The following MAPK10 variants were observed in gnomAD, a reference collection of about 807,000 sequenced individuals.
MAPK10 encodes the protein JNK3 alpha protein kinase.
In MAPK10, 25 loss-of-function variants were observed where a neutral mutation model predicts 59.3. The observed-to-expected ratio is 0.42, with a 90% CI of 0.31 to 0.59. The LOEUF (loss-of-function observed/expected upper bound fraction) is 0.59. MAPK10 is among the 20% of genes least tolerant of loss of function. MAPK10 has a pLI of 0.15. For synonymous variants in MAPK10, 190 were observed against 200.5 expected (o/e 0.95, Z 0.44); for missense variants, 351 against 568.9 (o/e 0.62, Z 3.90).
intron 3 of MAPK10, among the ~76,000 whole-genome samples, chr4:86,165,632 C>T (rs574023894): frequency 1.8e-3 from 241 of 134,380 alleles, no homozygotes; most frequent in Middle Eastern, 9.8e-3. Context: ...AACTCCTGGC[C>T]TCAAACAATT....
chr4:86,355,634 G>A (rs1332966721), intron 1 of MAPK10, among the ~76,000 whole-genome samples: 2 of 152,102 alleles, frequency 1.3e-5, no homozygotes, highest in African/African-American at 2.4e-5. Flanking sequence ...GTACATGAGA[G>A]ATATTCATTC....
At chr4:86,344,841 T>A (rs1206302162) in intron 2 of MAPK10, among the ~76,000 whole-genome samples, 1 of 152,156 alleles carries the variant, frequency 6.6e-6, no homozygotes, top group African/African-American at 2.4e-5. Context: ...AGTTTAGAAA[T>A]CATTATTTCT....
chr4:86,344,981 A>T (rs1245194207), intron 2 of MAPK10, among the ~76,000 whole-genome samples: 2 of 152,332 alleles, frequency 1.3e-5, no homozygotes, highest in Non-Finnish European at 2.9e-5. Flanking sequence ...TGATATAGTC[A>T]GTTTGGCTGG....
At chr4:86,241,759 C>A (rs2092735239) in intron 2 of MAPK10, among the ~76,000 whole-genome samples, 1 of 152,160 alleles carries the variant, frequency 6.6e-6, no homozygotes, top group African/African-American at 2.4e-5. Flanking sequence ...GGCTTCTTTG[C>A]ATTGGGTTAG....
At chr4:86,299,923 T>TG (rs1314997774) in intron 2 of MAPK10, among the ~76,000 whole-genome samples, 1 of 152,128 alleles carries the variant, frequency 6.6e-6, no homozygotes, top group Non-Finnish European at 1.5e-5. Flanking sequence ...GATAGAGTCT[T>TG]GCTCTGTCTC....
chr4:86,438,044 A>G (rs1462448404), intron 1 of MAPK10, among the ~76,000 whole-genome samples: 1 of 152,348 alleles, frequency 6.6e-6, no homozygotes, highest in Non-Finnish European at 1.5e-5. Context: ...TAAGCAAAAC[A>G]GATCTATAAT....
chr4:86,073,317 A>T (rs1192334713), intron 9 of MAPK10, among the ~76,000 whole-genome samples: 4 of 150,516 alleles, frequency 2.7e-5, no homozygotes, highest in Middle Eastern at 3.4e-3. Context: ...GCGGTCTATC[A>T]ATTTTGTTGA....
chr4:86,489,929 T>C (rs1754330271), intron 1 of MAPK10, among the ~76,000 whole-genome samples: 1 of 152,176 alleles, frequency 6.6e-6, no homozygotes, highest in African/African-American at 2.4e-5. Flanking sequence ...CCACTCTCAG[T>C]AGTCAGTCCC....
At chr4:86,249,590 A>G (rs1286945514) in intron 2 of MAPK10, among the ~76,000 whole-genome samples, 1 of 152,182 alleles carries the variant, frequency 6.6e-6, no homozygotes, top group Non-Finnish European at 1.5e-5. Context: ...AGGAGAAAAT[A>G]CGGTTTGGAA....
chr4:86,401,188 T>A (rs1213213497), intron 1 of MAPK10, among the ~76,000 whole-genome samples: 1 of 152,156 alleles, frequency 6.6e-6, no homozygotes, highest in Non-Finnish European at 1.5e-5. Context: ...GGGTACAAAA[T>A]GCTGAAGTGT....
At chr4:86,428,086 G>A (rs553118630) in intron 1 of MAPK10, among the ~76,000 whole-genome samples, 2 of 152,118 alleles carry the variant, frequency 1.3e-5, no homozygotes, top group South Asian at 4.2e-4. Flanking sequence ...GCAGAAAAAG[G>A]GCTGAAGAAA....
intron 10 of MAPK10, 116 bp downstream of exon 10, chr4:86,067,657 A>G: frequency 3.5e-6 from 3 of 849,746 alleles, no homozygotes; most frequent in South Asian, 2.4e-5. Flanking sequence ...TACGATTATC[A>G]TGTGTCAACT....
At chr4:86,132,468 G>C (rs999124666) in intron 4 of MAPK10, among the ~76,000 whole-genome samples, 1 of 152,098 alleles carries the variant, frequency 6.6e-6, no homozygotes, top group Non-Finnish European at 1.5e-5. Context: ...CATTTTTAAG[G>C]CTAAGTCCAA....
intron 1 of MAPK10, among the ~76,000 whole-genome samples, chr4:86,581,623 T>C (rs1010245723): frequency 6.6e-6 from 1 of 151,560 alleles, no homozygotes; most frequent in South Asian, 2.1e-4. Flanking sequence ...AAGAAATTTG[T>C]TATATTTATT....
chr4:86,255,306 C>T (rs2093659558), intron 2 of MAPK10, among the ~76,000 whole-genome samples: 1 of 151,962 alleles, frequency 6.6e-6, no homozygotes, highest in African/African-American at 2.4e-5. Context: ...AATGTATATC[C>T]CTGTGTCAAT....
At chr4:86,358,512 C>A in intron 1 of MAPK10, 1 of 263,858 alleles carries the variant, frequency 3.8e-6, no homozygotes, top group Non-Finnish European at 5.9e-6. Context: ...GGCTCTGCAC[C>A]AAAGGCAGCC....
intron 2 of MAPK10, among the ~76,000 whole-genome samples, chr4:86,285,944 C>T (rs1299519016): frequency 1.3e-5 from 2 of 152,196 alleles, no homozygotes; most frequent in East Asian, 3.9e-4. Context: ...CCTTCTTCTG[C>T]ATTTGTGTTC....
chr4:86,483,062 T>C (rs1184905180), intron 1 of MAPK10, among the ~76,000 whole-genome samples: 1 of 152,122 alleles, frequency 6.6e-6, no homozygotes, highest in African/African-American at 2.4e-5. Flanking sequence ...GTCAAAACAT[T>C]TAAATTGTGT....
At chr4:86,295,132 C>T (rs559060335) in intron 2 of MAPK10, among the ~76,000 whole-genome samples, 4 of 152,318 alleles carry the variant, frequency 2.6e-5, no homozygotes, top group South Asian at 2.1e-4. Context: ...GGTTTAATTA[C>T]GTGTTAGGAC....
Sources: gnomAD v4.1 joint callset for allele counts (sites outside exome capture counted in the v4.1 genomes callset) on GRCh38, gnomAD v4.1.1 for gene constraint, MANE v1.5 for transcripts, NCBI Gene and HGNC (gene_info 2026-07-23, HGNC 2026-07-21) for gene names.